Variants in PPAN observed in about 807,000 individuals in gnomAD.
PPAN encodes the protein suppressor of SWI4 1 homolog.
Under a neutral mutation model 48.5 loss-of-function variants are expected in PPAN, and 39 were observed. The ratio of observed to expected loss-of-function variants is 0.80; its 90% CI spans 0.62 to 1.05. The LOEUF is 1.05. Among genes scored for constraint, PPAN ranks in the 50% least tolerant of loss-of-function variants. The pLI, the probability that PPAN is intolerant of heterozygous loss-of-function variation, is 0.00. For synonymous variants in PPAN, 315 were observed against 268.6 expected (o/e 1.17, Z -1.69); for missense variants, 736 against 661.7 (o/e 1.11, Z -1.23).
intron 5 of PPAN, among the ~76,000 whole-genome samples, chr19:10,109,351 C>G (rs1216443056): frequency 1.3e-5 from 2 of 152,132 alleles, no homozygotes; most frequent in Non-Finnish European, 2.9e-5. Flanking sequence ...TCCCGAGTAG[C>G]TGAGACTACA....
rs755035078 is a variant in PPAN, at chr19:10,106,524, C to G, written c.42C>G (p.Arg14=). ...SGRSRHQKRA[R]AQAQLRNLEA... is the part of the protein sequence containing the mutation. ...AGTCCCGGCACCAGAAGCGCGCCCG[C>G]GCCCAGGCGCAGCTCCGCAACCTCG... The change falls in exon 2 of 12, where the codon CGC becomes CGG. Residue 14 remains arginine (R), a synonymous_variant. Transcript: ENST00000253107. 8.4e-6 allele frequency: 13 copies of G among 1,553,038 alleles called. No homozygotes were observed. In the African/African-American group the frequency reaches 1.5e-4, roughly 18 times the overall value.
At chr19:10,107,057 C>G (rs1238428719) in intron 2 of PPAN, 2 of 499,094 alleles carry the variant, frequency 4.0e-6, no homozygotes, top group African/African-American at 1.9e-5. Flanking sequence ...TATGGTGTTG[C>G]GTGCCTGTAG....
In PPAN at chr19:10,110,176, CAG is replaced by C. The variant is rs1568485279; in HGVS notation, c.755_756del (p.Glu252AlafsTer107). The C allele has an allele frequency of 1.2e-6, 2 of 1,610,704 alleles. No homozygotes were observed. Among genetic ancestry groups the C allele is most frequent in the Admixed American group, 1.7e-5 (1 of 60,012 alleles). ...GAGCCTGACGGCGACCACAACATCA[CAG>C]AGCTGCCTCAGGCTGTCGCTGGCCG... is the stretch of plus-strand genomic sequence containing the variant. On this transcript the variant is annotated frameshift_variant, in exon 8 of 12. Transcript: ENST00000253107. LOFTEE classifies it high-confidence loss of function. The surrounding 1 kb of genome is among the most constrained non-coding windows in gnomAD (Gnocchi z 5.9).
In PPAN at chr19:10,106,578, C is replaced by G. The variant is rs985166863; in HGVS notation, c.96C>G (p.Phe32Leu). 10 of 1,552,304 alleles carry G rather than the reference C, an allele frequency of 6.4e-6. No homozygotes were observed. In the African/African-American group the frequency reaches 1.2e-4, roughly 19 times the overall value. The change falls in exon 2 of 12, where the codon TTC becomes TTG. Residue 32 changes from phenylalanine (F) to leucine (L), a missense_variant. Coordinates refer to ENST00000253107, the MANE Select transcript of PPAN (RefSeq NM_020230.7). ...LEAYAANPHSFVFTRGCTGRN... is the reference protein window; with the variant it reads ...LEAYAANPHSLVFTRGCTGRN... ...CCTATGCCGCGAACCCGCACTCGTT[C>G]GTGTTCACGCGAGGCTGCACGGGTC...
chr19:10,111,400 TC>T lies in PPAN; in HGVS notation c.*237del, dbSNP rs768918142. On this transcript the variant is annotated 3_prime_UTR_variant, in exon 12 of 12. Coordinates refer to ENST00000253107, the MANE Select transcript of PPAN (RefSeq NM_020230.7). ...CGAGAGTCCCTCCCACCTGGTTTCT[TC>T]CTGGAAGCTGGGTCTCTCCCCTACC... 44 of 652,130 alleles carry T rather than the reference TC, an allele frequency of 6.7e-5. No individual in the cohort carries two copies. The highest frequency in any genetic ancestry group is 1.1e-4 in the Non-Finnish European group (43 of 386,378). The allele number at this position is 652,130 out of a possible 1,614,324, so 40.4% of individuals were successfully genotyped here. A position where few individuals can be genotyped will look rare whatever the true frequency, so the allele number is the denominator to read the frequency against.
In PPAN at chr19:10,109,659, T is replaced by G. The variant is rs757998313; in HGVS notation, c.542T>G (p.Leu181Arg). 3.1e-6 allele frequency: 5 copies of G among 1,613,854 alleles called. No homozygotes were observed. The East Asian group carries it at 6.7e-5, about 22-fold the overall frequency. Residue 181 changes from leucine to arginine, a missense_variant, in exon 6 of 12, where the codon CTC becomes CGC. By Grantham distance (102) the Leu-to-Arg change is moderately radical (BLOSUM62 -2). Coordinates refer to ENST00000253107, the MANE Select transcript of PPAN (RefSeq NM_020230.7). ...KVNLNTIKRCLLIDYNPDSQE... is the reference protein window; with the variant it reads ...KVNLNTIKRCRLIDYNPDSQE... Reference sequence around the variant, plus strand: ...AACCTGAACACCATCAAGCGCTGCCTCCTCATCGACTACAACCCCGACTCC... The same window carrying G: ...AACCTGAACACCATCAAGCGCTGCCGCCTCATCGACTACAACCCCGACTCC...
intron 2 of PPAN, 64 bp from the exon 3 acceptor site, chr19:10,107,441 C>T (rs2088868104): frequency 6.4e-7 from 1 of 1,552,392 alleles, no homozygotes; most frequent in South Asian, 1.1e-5. Context: ...TCTGCACCGT[C>T]AGCTTATAGT....
chr19:10,107,625 C>T lies in PPAN; in HGVS notation c.291+19C>T, dbSNP rs750870861. ...CTACTTTGTGAGTAGACGCCCTCAC[C>T]CTTCATCTCCCCCAGACCCCCCCTT... On this transcript the variant is annotated intron_variant, in intron 3 of 11. Coordinates refer to ENST00000253107, the MANE Select transcript of PPAN (RefSeq NM_020230.7). 29 of 1,613,144 alleles carry T rather than the reference C, an allele frequency of 1.8e-5. No individual in the cohort carries two copies. Among genetic ancestry groups the T allele is most frequent in the Non-Finnish European group, 2.3e-5 (27 of 1,179,464 alleles).
chr19:10,109,076 C>A (rs1165131414), intron 5 of PPAN, among the ~76,000 whole-genome samples: 1 of 151,796 alleles, frequency 6.6e-6, no homozygotes, highest in Admixed American at 6.6e-5. Flanking sequence ...ATTCTCCTGC[C>A]TCAGCCTCCC....
intron 5 of PPAN, among the ~76,000 whole-genome samples, chr19:10,108,651 C>A (rs959465308): frequency 6.6e-6 from 1 of 150,936 alleles, no homozygotes; most frequent in African/African-American, 2.4e-5. Flanking sequence ...ACTGGGGAGG[C>A]TGAGGTGGGA....
At chr19:10,107,706 C>T (rs1273766322) in intron 3 of PPAN, 98 bp from the exon 4 acceptor site, 4 of 1,608,232 alleles carry the variant, frequency 2.5e-6, no homozygotes, top group Admixed American at 1.7e-5. Flanking sequence ...TTTCTGGCTT[C>T]AAAGTAAACG....
upstream of PPAN, chr19:10,106,317 C>G: frequency 3.9e-6 from 6 of 1,543,796 alleles, no homozygotes; most frequent in East Asian, 4.9e-5. Context: ...CACGCCGTGC[C>G]GGCTCTCAGG....
Position 10,110,044 on chromosome 19 carries a change from G to A in PPAN, c.698+24G>A. On this transcript the variant is annotated intron_variant, in intron 7 of 11. Coordinates refer to ENST00000253107, the MANE Select transcript of PPAN (RefSeq NM_020230.7). This position sits in a 1 kb window ranked among gnomAD's most constrained non-coding sequence, Gnocchi z 5.9. ...ACGTGAGGAGGGCATAGGGCGGGAG[G>A]CCACTGCGGCCCGGGGACCCCAGAA... The A allele has an allele frequency of 6.2e-7, 1 of 1,612,372 alleles. No individual in the cohort carries two copies. The highest frequency in any genetic ancestry group is 1.7e-4 in the Middle Eastern group (1 of 6,060).
In PPAN at chr19:10,110,546, G is replaced by A; in HGVS notation, c.963G>A (p.Leu321=). 1.2e-6 allele frequency: 2 copies of A among 1,610,336 alleles called. No individual in the cohort carries two copies. The highest frequency in any genetic ancestry group is 2.2e-5 in the South Asian group (2 of 90,832). ...AAGCCAAGGAGAAGAAGCTGCGGCT[G>A]AAGGCGCAGAGGCAGGCCCAGCAGG... ...ILEAKEKKLR[L]KAQRQAQQAQ... is the part of the protein sequence containing the mutation. Residue 321 remains leucine (L), a synonymous_variant, in exon 10 of 12, where the codon CTG becomes CTA. Transcript: ENST00000253107. This position sits in a 1 kb window ranked among gnomAD's most constrained non-coding sequence, Gnocchi z 5.9.
intron 5 of PPAN, among the ~76,000 whole-genome samples, chr19:10,108,462 C>G (rs1234058529): frequency 6.6e-6 from 1 of 152,032 alleles, no homozygotes; most frequent in Non-Finnish European, 1.5e-5. Context: ...CAGAGGGAAG[C>G]TGCGGGCCCA....
Position 10,106,521 on chromosome 19 carries a change from C to A in PPAN, c.39C>A (p.Ala13=). The change falls in exon 2 of 12, where the codon GCC becomes GCA. Residue 13 remains alanine (A), a synonymous_variant. Transcript: ENST00000253107. The part of the protein sequence containing the change: ...QSGRSRHQKR[A]RAQAQLRNLE... ...CGCAGTCCCGGCACCAGAAGCGCGC[C>A]CGCGCCCAGGCGCAGCTCCGCAACC... The A allele has an allele frequency of 6.4e-7, 1 of 1,552,962 alleles. No homozygotes were observed. Among genetic ancestry groups the A allele is most frequent in the Non-Finnish European group, 8.7e-7 (1 of 1,148,234 alleles).
rs1246124843 is a variant in PPAN at position 10,110,415 on chromosome 19, C to T, written c.901+13C>T. 13 of 1,612,716 alleles carry T rather than the reference C, an allele frequency of 8.1e-6. No individual in the cohort carries two copies. Among genetic ancestry groups the T allele is most frequent in the Non-Finnish European group, 1.1e-5 (13 of 1,179,888 alleles). On this transcript the variant is annotated intron_variant, in intron 9 of 11. Coordinates refer to ENST00000253107, the MANE Select transcript of PPAN (RefSeq NM_020230.7). The surrounding 1 kb of genome is among the most constrained non-coding windows in gnomAD (Gnocchi z 5.9). ...TTCCACAGTTTTGGTGAGGCCGGGG[C>T]CGCCGGGGGTGGGGGGTCATGGGTG... is the stretch of plus-strand genomic sequence containing the variant.
rs1449345097 is a variant in PPAN, at chr19:10,106,775, C to G, written c.189+104C>G. 20 of 1,429,896 alleles carry G rather than the reference C, an allele frequency of 1.4e-5. No homozygotes were observed. In the Admixed American group the frequency reaches 5.0e-4, roughly 36 times the overall value. 88.6% of individuals were successfully genotyped at this position (1,429,896 alleles called of 1,614,324 possible). A position where few individuals can be genotyped will look rare whatever the true frequency, so the allele number is the denominator to read the frequency against. ...AACTGTGGGAGGACTTAAGTCTCCC[C>G]AGCTGGAAAAAAAGACCCTCATGGG... On this transcript the variant is annotated intron_variant, in intron 2 of 11. Coordinates refer to ENST00000253107, the MANE Select transcript of PPAN (RefSeq NM_020230.7).
rs755728534 is a variant in PPAN, at chr19:10,110,856, G to A, written c.1191G>A (p.Ala397=). The part of the protein sequence containing the change: ...IEYFCQAVGE[A]PSEDLFPEAK... ...ATTTCTGCCAGGCGGTGGGCGAGGC[G>A]CCCAGTGAGGGTATGGAGTGGGGTC... Residue 397 remains alanine (A), a synonymous_variant, in exon 11 of 12, where the codon GCG becomes GCA. Coordinates refer to ENST00000253107, the MANE Select transcript of PPAN (RefSeq NM_020230.7). The surrounding 1 kb of genome is among the most constrained non-coding windows in gnomAD (Gnocchi z 5.9). 1.4e-5 allele frequency: 23 copies of A among 1,613,088 alleles called. No individual in the cohort carries two copies. The highest frequency in any genetic ancestry group is 1.3e-4 in the African/African-American group (10 of 74,650).
Sources: allele counts gnomAD v4.1 joint callset (sites outside exome capture counted in the v4.1 genomes callset), GRCh38; gene constraint gnomAD v4.1.1; non-coding constraint Gnocchi (gnomAD v3.1); transcripts MANE v1.5; gene names NCBI Gene and HGNC (gene_info 2026-07-23, HGNC 2026-07-21).